Variants in SRC observed in about 807,000 individuals in gnomAD.
SRC encodes the protein SRC proto-oncogene, non-receptor tyrosine kinase.
A neutral mutation model predicts 62.9 loss-of-function variants in SRC; 13 were observed. The observed-to-expected ratio is 0.21, with a 90% confidence interval of 0.13 to 0.33. The LOEUF (loss-of-function observed/expected upper bound fraction) is 0.33. Ranked by LOEUF, SRC falls within the 10% of genes least tolerant of loss-of-function variation. The probability of loss-of-function intolerance (pLI) is 1.00; values close to 1 mark genes in which losing one functional copy is unlikely to be tolerated. For synonymous variants in SRC, 302 were observed against 317.5 expected, an observed-to-expected ratio of 0.95 and a Z score of 0.52; for missense variants, 457 against 737.3, an observed-to-expected ratio of 0.62 and a Z score of 4.40.
intron 1 of SRC, among the ~76,000 whole-genome samples, chr20:37,357,041 G>A (rs1432671606): frequency 1.3e-5 from 2 of 152,214 alleles, no homozygotes; most frequent in Non-Finnish European, 2.9e-5. Flanking sequence ...TGTGTCTAGA[G>A]CTGTTGCCCC....
chr20:37,394,054 C>G, intron 6 of SRC, 61 bp downstream of exon 6: 1 of 1,573,196 alleles, frequency 6.4e-7, no homozygotes, highest in Non-Finnish European at 8.7e-7. Flanking sequence ...TGCAGAGTGC[C>G]TCTCCTGGGC....
intron 1 of SRC, among the ~76,000 whole-genome samples, chr20:37,364,846 A>C (rs1311980220): frequency 1.3e-5 from 2 of 151,546 alleles, no homozygotes; most frequent in African/African-American, 4.9e-5. Context: ...GGGCTTTCCC[A>C]CTCCCGGCCT....
rs1489043584 is a variant in SRC, at chr20:37,403,656, T to G, written c.*277T>G. ...GCACTCCCTCCTGGAGCTCTGTGGG[T>G]CTCTGGAAGAGGAACCAGGAGAAGG... On this transcript the variant is annotated 3_prime_UTR_variant, in exon 14 of 14. Coordinates refer to ENST00000373578, the MANE Select transcript of SRC (RefSeq NM_198291.3). This position sits in a 1 kb window ranked among gnomAD's most constrained non-coding sequence, Gnocchi z 7.1. 1.2e-5 allele frequency: 6 copies of G among 492,376 alleles called. No individual in the cohort carries two copies. Among genetic ancestry groups the G allele is most frequent in the African/African-American group, 1.9e-5 (1 of 52,544 alleles). The allele number at this position is 492,376 out of a possible 1,614,324, so 30.5% of individuals were successfully genotyped here. A position where few individuals can be genotyped will look rare whatever the true frequency, so the allele number is the denominator to read the frequency against.
Position 37,406,021 on chromosome 20 carries a change from CTTAA to C in SRC, c.*2647_*2650del, listed in dbSNP as rs1443279172. The C allele has an allele frequency of 1.3e-5, 2 of 152,246 alleles. No individual in the cohort carries two copies. Among genetic ancestry groups the C allele is most frequent in the African/African-American group, 2.4e-5 (1 of 41,420 alleles). The allele number at this position is 152,246 out of a possible 1,614,324, so 9.4% of individuals were successfully genotyped here. A position where few individuals can be genotyped will look rare whatever the true frequency, so the allele number is the denominator to read the frequency against. ...GGAGTCAACTCTGGCCACGACATTGCTTAATTAAAAACAAATTTCAAAAACTGGA... is the reference window on the plus strand; with the variant it reads ...GGAGTCAACTCTGGCCACGACATTGCTTAAAAACAAATTTCAAAAACTGGA... On this transcript the variant is annotated 3_prime_UTR_variant, in exon 14 of 14. Coordinates refer to ENST00000373578, the MANE Select transcript of SRC (RefSeq NM_198291.3).
At chr20:37,392,685 A>G (rs917832190) in intron 5 of SRC, among the ~76,000 whole-genome samples, 1 of 152,078 alleles carries the variant, frequency 6.6e-6, no homozygotes, top group Non-Finnish European at 1.5e-5. Context: ...CTCTGGCCTC[A>G]GTCTTCCCAG....
chr20:37,360,395 T>A (rs559933659), intron 1 of SRC, among the ~76,000 whole-genome samples: 11 of 152,044 alleles, frequency 7.2e-5, no homozygotes, highest in African/African-American at 2.4e-4. Flanking sequence ...GGCTAGTTTT[T>A]AAAATTTTTA....
intron 1 of SRC, among the ~76,000 whole-genome samples, chr20:37,362,691 C>T (rs564803102): frequency 9.2e-5 from 13 of 141,830 alleles, no homozygotes; most frequent in East Asian, 2.5e-4. Flanking sequence ...CACCCCGTTA[C>T]GGGGCGGCCT....
At chr20:37,360,215 T>G (rs2069947393) in intron 1 of SRC, among the ~76,000 whole-genome samples, 1 of 133,416 alleles carries the variant, frequency 7.5e-6, no homozygotes, top group Non-Finnish European at 1.5e-5. Flanking sequence ...TTTCTCTCTC[T>G]CTCTTTTTTT....
intron 1 of SRC, among the ~76,000 whole-genome samples, chr20:37,349,051 C>T (rs2069763077): frequency 6.6e-6 from 1 of 151,878 alleles, no homozygotes; most frequent in East Asian, 1.9e-4. Flanking sequence ...CCTTGTGGGC[C>T]CTGGGGAGGA....
intron 1 of SRC, among the ~76,000 whole-genome samples, chr20:37,353,986 T>A (rs774467531): frequency 3.3e-5 from 5 of 152,210 alleles, no homozygotes; most frequent in Non-Finnish European, 2.9e-5. Flanking sequence ...GTTGCAAGGA[T>A]GAAGTCTTGT....
At chr20:37,355,101 T>C (rs1760709416) in intron 1 of SRC, among the ~76,000 whole-genome samples, 1 of 152,016 alleles carries the variant, frequency 6.6e-6, no homozygotes, top group South Asian at 2.1e-4. Flanking sequence ...CCCCATAATG[T>C]GGGGATTTGG....
chr20:37,393,954 G>A lies in SRC; in HGVS notation c.410G>A (p.Ser137Asn). 4 of 1,614,036 alleles carry A rather than the reference G, an allele frequency of 2.5e-6. No individual in the cohort carries two copies. The highest frequency in any genetic ancestry group is 3.4e-6 in the Non-Finnish European group (4 of 1,180,016). ...LSTGQTGYIP[S>N]NYVAPSDSIQ... is the part of the protein sequence containing the mutation. ...ACAGGACAGACAGGCTACATCCCCA[G>A]CAACTACGTGGCGCCCTCCGACTCC... The change falls in exon 6 of 14, where the codon AGC (serine) becomes AAC (asparagine). Residue 137 changes from serine (S) to asparagine (N), a missense_variant. Transcript: ENST00000373578.
In SRC at chr20:37,354,953, C is replaced by T. The variant is rs149961136; in HGVS notation, c.-247+8698C>T. On this transcript the variant is annotated intron_variant, in intron 1 of 13. Transcript: ENST00000373578. The stretch of plus-strand genomic sequence containing the variant: ...TAGAAAGTGTCACTGTTAATGGGTA[C>T]GGCTGTGAGGACGGGTAGGATCCTG... Among the ~76,000 whole-genome samples, 710 of 152,258 alleles carry T rather than the reference C, an allele frequency of 4.7e-3. 2 individuals carry two copies. The highest frequency in any genetic ancestry group is 7.5e-3 in the Non-Finnish European group (513 of 68,024).
chr20:37,402,404 C>A lies in SRC; in HGVS notation c.1117-31C>A. 2.5e-6 allele frequency: 4 copies of A among 1,603,452 alleles called. No individual in the cohort carries two copies. The highest frequency in any genetic ancestry group is 3.4e-6 in the Non-Finnish European group (4 of 1,173,798). ...GGCCCTGGGAGGGCATGGGTGGCAC[C>A]TGAGCCAGGCTCCCACGGTTCCGCC... is the stretch of plus-strand genomic sequence containing the variant. On this transcript the variant is annotated intron_variant, in intron 11 of 13. Coordinates refer to ENST00000373578, the MANE Select transcript of SRC (RefSeq NM_198291.3). The surrounding 1 kb of genome is among the most constrained non-coding windows in gnomAD (Gnocchi z 6.2).
intron 2 of SRC, among the ~76,000 whole-genome samples, chr20:37,366,544 T>G (rs373749841): frequency 1.6e-4 from 25 of 152,294 alleles, no homozygotes; most frequent in African/African-American, 6.0e-4. Flanking sequence ...AAACTTCCCT[T>G]CCCTAGGCCT....
At chr20:37,345,792 C>A (rs2069707143), upstream of SRC, among the ~76,000 whole-genome samples, 1 of 135,500 alleles carries the variant, frequency 7.4e-6, no homozygotes, top group Non-Finnish European at 1.6e-5. Context: ...TCGGGAGAGG[C>A]GGATCTGGGG....
chr20:37,353,657 A>G (rs562178367), intron 1 of SRC, among the ~76,000 whole-genome samples: 1 of 152,240 alleles, frequency 6.6e-6, no homozygotes, highest in Admixed American at 6.5e-5. Flanking sequence ...CCATTTCACC[A>G]AAGAGGAAGC....
At chr20:37,348,610 G>A (rs1049694892) in intron 1 of SRC, among the ~76,000 whole-genome samples, 2 of 152,124 alleles carry the variant, frequency 1.3e-5, no homozygotes, top group South Asian at 2.1e-4. Flanking sequence ...GAAGGGGAGA[G>A]GGAGCTCTTT....
chr20:37,402,632 G>A lies in SRC; in HGVS notation c.1270+44G>A, dbSNP rs944554746. On this transcript the variant is annotated intron_variant, in intron 12 of 13. Coordinates refer to ENST00000373578, the MANE Select transcript of SRC (RefSeq NM_198291.3). The surrounding 1 kb of genome is among the most constrained non-coding windows in gnomAD (Gnocchi z 6.2). ...GTATGTCGCGCTTGGCCTGGGACAG[G>A]TCACGTCCCGCTCTGAGCCCCAGTT... is the stretch of plus-strand genomic sequence containing the variant. 9 of 1,585,248 alleles carry A rather than the reference G, an allele frequency of 5.7e-6. No homozygotes were observed. Among genetic ancestry groups the A allele is most frequent in the Admixed American group, 1.7e-5 (1 of 57,528 alleles).
Sources: gnomAD v4.1 joint callset for allele counts (sites outside exome capture counted in the v4.1 genomes callset) on GRCh38, gnomAD v4.1.1 for gene constraint, Gnocchi (gnomAD v3.1) non-coding constraint, MANE v1.5 for transcripts, NCBI Gene and HGNC (gene_info 2026-07-23, HGNC 2026-07-21) for gene names.